Variants in OTUD7B observed in about 807,000 individuals in gnomAD.
OTUD7B encodes the protein OTU domain-containing protein 7B.
Under a neutral mutation model 82.2 loss-of-function variants are expected in OTUD7B, and 34 were observed. The ratio of observed to expected loss-of-function variants is 0.41; its 90% CI spans 0.31 to 0.55. The LOEUF is 0.55. Among genes scored for constraint, OTUD7B ranks in the 20% least tolerant of loss-of-function variants. OTUD7B has a pLI of 0.20. For missense variants in OTUD7B, 944 were observed against 1,062.1 expected, an observed-to-expected ratio of 0.89 and a Z score of 1.55; for synonymous variants, 398 against 402.7, an observed-to-expected ratio of 0.99 and a Z score of 0.14.
Position 149,944,575 on chromosome 1 carries a change from C to T in OTUD7B, c.1814G>A (p.Gly605Glu). The change falls in exon 12 of 12, where the codon GGG becomes GAG. Residue 605 changes from glycine to glutamate, a missense_variant. Coordinates refer to ENST00000581312, the MANE Select transcript of OTUD7B (RefSeq NM_020205.4). ...TCCAACAAAAATAAACTTCCCCTCC[C>T]CTTGCATGGCAGTCCTCAGAATGCT... ...SLSILRTAMQ[G>E]EGKFIFVGTL... The T allele has an allele frequency of 1.2e-6, 2 of 1,614,116 alleles. No individual in the cohort carries two copies. The highest frequency in any genetic ancestry group is 2.2e-5 in the South Asian group (2 of 91,084).
chr1:150,042,104 A>ACCCCCCCCCCCC, the OTUD7B span, among the ~76,000 whole-genome samples: 1 of 55,890 alleles, frequency 1.8e-5, no homozygotes, highest in Admixed American at 2.1e-4. Context: ...AGAGGTGCAG[A>ACCCCCCCCCCCC]CCCTCCCTCC....
chr1:149,995,858 G>C (rs1490429694), intron 1 of OTUD7B, among the ~76,000 whole-genome samples: 1 of 152,174 alleles, frequency 6.6e-6, no homozygotes, highest in African/African-American at 2.4e-5. Flanking sequence ...ACAAGCTAAA[G>C]AATAAACCTA....
At chr1:150,046,444 A>AT in the OTUD7B span, among the ~76,000 whole-genome samples, 1 of 89,130 alleles carries the variant, frequency 1.1e-5, no homozygotes, top group South Asian at 4.8e-4. Context: ...CTCCAGTGGC[A>AT]TTTTTTTTTT....
Position 149,989,238 on chromosome 1 carries a change from C to T in OTUD7B, c.-66-11662G>A, listed in dbSNP as rs146520718. Among the ~76,000 whole-genome samples, 64 of 151,794 alleles carry T rather than the reference C, an allele frequency of 4.2e-4. 1 individual carries two copies. In the East Asian group the frequency reaches 0.012, roughly 28 times the overall value. ...TTGTAATCTCAGCACTTTGGGAGGC[C>T]GAGGTGGGCAGATCACTTGAGGTCA... On this transcript the variant is annotated intron_variant, in intron 1 of 11. Coordinates refer to ENST00000581312, the MANE Select transcript of OTUD7B (RefSeq NM_020205.4).
In OTUD7B at chr1:149,949,793, G is replaced by C; in HGVS notation, c.974-15C>G. 2 of 1,611,360 alleles carry C rather than the reference G, an allele frequency of 1.2e-6. No homozygotes were observed. ...AGGGGCAAATGCTGCAGGAAGCCAT[G>C]AAGATTATTATGAAGGCTGTGTTTC... On this transcript the variant is annotated splice_polypyrimidine_tract_variant and intron_variant, in intron 8 of 11. Transcript: ENST00000581312.
intron 1 of OTUD7B, among the ~76,000 whole-genome samples, chr1:149,985,439 CA>C (rs1651063352): frequency 6.6e-6 from 1 of 152,014 alleles, no homozygotes; most frequent in South Asian, 2.1e-4. Context: ...AATTCCTATA[CA>C]GGGTCGGGCA....
intron 1 of OTUD7B, among the ~76,000 whole-genome samples, chr1:149,996,451 A>G (rs1553783436): frequency 6.6e-6 from 1 of 152,234 alleles, no homozygotes; most frequent in South Asian, 2.1e-4. Context: ...AATATATGTA[A>G]ACAGTGGCAT....
At position 149,992,493 on chromosome 1, in the gene OTUD7B, TA is replaced by T. The variant is rs1651657481; in HGVS notation, c.-66-14918del. On this transcript the variant is annotated intron_variant, in intron 1 of 11. Transcript: ENST00000581312. ...TTTTTTTTTTTTTTTTTTTTTTTTT[TA>T]GTACAGAGTCTCACTCTGTCACCCA... 7.2e-3 allele frequency among the ~76,000 whole-genome samples: 20 copies of T among 2,784 alleles called. 4 individuals carry two copies. The highest frequency in any genetic ancestry group is 0.013 in the Non-Finnish European group (8 of 632). 1.8% of individuals were successfully genotyped at this position (2,784 alleles called of 152,430 possible). A position where few individuals can be genotyped will look rare whatever the true frequency, so the allele number is the denominator to read the frequency against.
At position 149,944,344 on chromosome 1, in the gene OTUD7B, T is replaced by A. The variant is rs781843937; in HGVS notation, c.2045A>T (p.Glu682Val). The change falls in exon 12 of 12, where the codon GAG becomes GTG. Residue 682 changes from glutamate (E) to valine (V), a missense_variant. Physicochemically the swap from Glu to Val is moderately radical, Grantham distance 121. Coordinates refer to ENST00000581312, the MANE Select transcript of OTUD7B (RefSeq NM_020205.4). The stretch of plus-strand genomic sequence containing the variant: ...AGTGGAAAATGCCATTGCCCTGGAC[T>A]CTGCTGGGGGACCGGTCGGCTGCTC... Reference protein sequence around the residue: ...REEQPTGPPAESRAMAFSTGY... With the variant: ...REEQPTGPPAVSRAMAFSTGY... 2.5e-6 allele frequency: 4 copies of A among 1,613,044 alleles called. No individual in the cohort carries two copies. Among genetic ancestry groups the A allele is most frequent in the Non-Finnish European group, 3.4e-6 (4 of 1,179,444 alleles).
At chr1:150,002,126 T>C (rs1553784959) in intron 1 of OTUD7B, among the ~76,000 whole-genome samples, 2 of 152,292 alleles carry the variant, frequency 1.3e-5, no homozygotes, top group Non-Finnish European at 2.9e-5. Context: ...AATGTTAATG[T>C]CCATCAAATT....
chr1:149,987,683 C>G (rs1651248004), intron 1 of OTUD7B, among the ~76,000 whole-genome samples: 1 of 152,146 alleles, frequency 6.6e-6, no homozygotes, highest in Admixed American at 6.6e-5. Context: ...CTACCCCTCC[C>G]AAACAAACCC....
intron 7 of OTUD7B, among the ~76,000 whole-genome samples, chr1:149,951,269 C>G (rs1227473720): frequency 1.3e-5 from 2 of 151,966 alleles, no homozygotes; most frequent in Admixed American, 6.6e-5. Context: ...CTGTGCCTGG[C>G]AATTTTTTAA....
intron 2 of OTUD7B, among the ~76,000 whole-genome samples, chr1:149,974,013 C>G (rs1031804911): frequency 6.6e-6 from 1 of 152,038 alleles, no homozygotes; most frequent in Admixed American, 6.6e-5. Context: ...CGCGTCACCA[C>G]GCCCGGCCAA....
chr1:150,054,497 A>G, the OTUD7B span: 2 of 490,286 alleles, frequency 4.1e-6, no homozygotes, highest in South Asian at 3.0e-5. Flanking sequence ...AAAACATCTT[A>G]CTGATACTTA....
In OTUD7B at chr1:149,984,765, C is replaced by A. The variant is rs587684903; in HGVS notation, c.-66-7189G>T. Among the ~76,000 whole-genome samples, 24 of 152,280 alleles carry A rather than the reference C, an allele frequency of 1.6e-4. No individual in the cohort carries two copies. In the East Asian group the frequency reaches 4.2e-3, roughly 27 times the overall value. The stretch of plus-strand genomic sequence containing the variant: ...CCTCTTCCAGTACTGCCTATTGTAG[C>A]AAATAGTCCCCAATCATCCAAGTCA... On this transcript the variant is annotated intron_variant, in intron 1 of 11. Coordinates refer to ENST00000581312, the MANE Select transcript of OTUD7B (RefSeq NM_020205.4).
At chr1:149,965,573 T>C (rs1649472392) in intron 5 of OTUD7B, among the ~76,000 whole-genome samples, 1 of 152,224 alleles carries the variant, frequency 6.6e-6, no homozygotes, top group Non-Finnish European at 1.5e-5. Context: ...CTCTCTTCAC[T>C]ATCTCACTAG....
At chr1:149,962,982 G>T (rs587762166) in intron 6 of OTUD7B, 2 of 152,292 alleles carry the variant, frequency 1.3e-5, no homozygotes, top group Non-Finnish European at 2.9e-5. Flanking sequence ...TTTCCCTCAG[G>T]AATCTTCTGG....
chr1:149,994,446 T>C (rs1263777539), intron 1 of OTUD7B, among the ~76,000 whole-genome samples: 1 of 151,902 alleles, frequency 6.6e-6, no homozygotes, highest in Non-Finnish European at 1.5e-5. Context: ...GTAGGTGTGG[T>C]GGCATGCGCC....
the OTUD7B span, among the ~76,000 whole-genome samples, chr1:150,024,713 C>T: frequency 6.6e-6 from 1 of 152,192 alleles, no homozygotes. Flanking sequence ...TCAATCCTCT[C>T]AACAACGCTT....
Sources: gnomAD v4.1 joint callset for allele counts (sites outside exome capture counted in the v4.1 genomes callset) on GRCh38, gnomAD v4.1.1 for gene constraint, MANE v1.5 for transcripts, NCBI Gene and HGNC (gene_info 2026-07-23, HGNC 2026-07-21) for gene names.